The following FAM227B variants were observed in gnomAD, a reference collection of about 807,000 sequenced individuals.
The protein encoded by FAM227B is family with sequence similarity 227 member B.
FAM227B carries 88 observed loss-of-function variants against 73.8 expected under a neutral mutation model. The ratio of observed to expected loss-of-function variants is 1.19; its 90% CI spans 1.00 to 1.42. The LOEUF (loss-of-function observed/expected upper bound fraction) is 1.42, where lower values mean the gene tolerates loss of function less well. Among genes scored for constraint, FAM227B ranks in the 40% most tolerant of loss-of-function variants. The pLI is 0.00. For synonymous variants in FAM227B, 210 were observed against 190.5 expected (o/e 1.10, Z -0.84); for missense variants, 632 against 590.9 (o/e 1.07, Z -0.72).
At chr15:49,595,114 A>G (rs2076814768) in intron 3 of FAM227B, among the ~76,000 whole-genome samples, 1 of 152,030 alleles carries the variant, frequency 6.6e-6, no homozygotes, top group East Asian at 1.9e-4. Flanking sequence ...AGTGTTTTAT[A>G]GTTTATCTTG....
intron 13 of FAM227B, among the ~76,000 whole-genome samples, chr15:49,354,400 G>A (rs1049862537): frequency 1.4e-4 from 22 of 152,202 alleles, no homozygotes; most frequent in African/African-American, 5.3e-4. Context: ...CACCGTGCGT[G>A]AGCCGAAGCA....
At chr15:49,538,125 T>C (rs79556376) in intron 10 of FAM227B, among the ~76,000 whole-genome samples, 8,268 of 152,218 alleles carry the variant, frequency 0.054, 324 homozygotes, top group East Asian at 0.13. Context: ...TGGCTTTCAG[T>C]GGATTTTTCA....
At chr15:49,396,967 C>A (rs1413979416) in intron 11 of FAM227B, among the ~76,000 whole-genome samples, 1 of 152,160 alleles carries the variant, frequency 6.6e-6, no homozygotes, top group Non-Finnish European at 1.5e-5. Flanking sequence ...AACGCAGTTC[C>A]CCACCAGCAA....
At position 49,508,940 on chromosome 15, in the gene FAM227B, G is replaced by A. The variant is rs193053827; in HGVS notation, c.875-592C>T. 2.0e-3 allele frequency among the ~76,000 whole-genome samples: 300 copies of A among 152,300 alleles called. 1 individual carries two copies. The highest frequency in any genetic ancestry group is 6.9e-3 in the African/African-American group (287 of 41,572). On this transcript the variant is annotated intron_variant, in intron 10 of 15. Coordinates refer to ENST00000299338, the MANE Select transcript of FAM227B (RefSeq NM_152647.3). The stretch of plus-strand genomic sequence containing the variant: ...TATTACTCACAGTTCCCAAGAGTAG[G>A]GGGATGTCATGCCACAGGGGGCCAC...
intron 11 of FAM227B, among the ~76,000 whole-genome samples, chr15:49,452,371 G>A (rs1004103510): frequency 6.6e-6 from 1 of 151,986 alleles, no homozygotes; most frequent in Non-Finnish European, 1.5e-5. Context: ...AATTTTAAAT[G>A]CCAGTTACCT....
intron 11 of FAM227B, among the ~76,000 whole-genome samples, chr15:49,500,747 A>G (rs1002457989): frequency 7.2e-5 from 11 of 152,190 alleles, no homozygotes; most frequent in Non-Finnish European, 1.3e-4. Context: ...TTGAAATGTA[A>G]TCCCCAATGT....
chr15:49,361,583 G>A (rs2044245522), intron 13 of FAM227B, among the ~76,000 whole-genome samples: 1 of 152,074 alleles, frequency 6.6e-6, no homozygotes, highest in South Asian at 2.1e-4. Context: ...GATCTTGTTA[G>A]TTTTTATGGC....
intron 11 of FAM227B, among the ~76,000 whole-genome samples, chr15:49,433,704 C>A (rs1171609243): frequency 6.6e-6 from 1 of 151,606 alleles, no homozygotes; most frequent in Non-Finnish European, 1.5e-5. Context: ...ACAGTTACCA[C>A]TGGTGACACT....
In FAM227B at chr15:49,383,756, T is replaced by C. The variant is rs556417828; in HGVS notation, c.1013-12357A>G. ...AAAAAGGAATACGATTGGCAAATAA[T>C]TTTTTAATTTCACCAGAAACTAAAG... On this transcript the variant is annotated intron_variant, in intron 11 of 15. Coordinates refer to ENST00000299338, the MANE Select transcript of FAM227B (RefSeq NM_152647.3). Among the ~76,000 whole-genome samples, 139 of 152,222 alleles carry C rather than the reference T, an allele frequency of 9.1e-4. 5 individuals carry two copies. The South Asian group carries it at 0.028, about 30-fold the overall frequency.
chr15:49,481,050 TC>T (rs1240098916), intron 11 of FAM227B, among the ~76,000 whole-genome samples: 1 of 152,228 alleles, frequency 6.6e-6, no homozygotes, highest in Non-Finnish European at 1.5e-5. Context: ...ATCAGCATTC[TC>T]TTTTTATCTA....
intron 13 of FAM227B, among the ~76,000 whole-genome samples, chr15:49,346,494 TCTC>T (rs1301296931): frequency 3.3e-5 from 5 of 152,130 alleles, no homozygotes; most frequent in Non-Finnish European, 5.9e-5. Flanking sequence ...TGAGAGCTGT[TCTC>T]CTGCCTCCTT....
chr15:49,383,256 T>C (rs944044301), intron 11 of FAM227B, among the ~76,000 whole-genome samples: 1 of 152,184 alleles, frequency 6.6e-6, no homozygotes, highest in African/African-American at 2.4e-5. Context: ...CTGCACTTTA[T>C]TGTACTTCAC....
At position 49,356,918 on chromosome 15, in the gene FAM227B, G is replaced by A. The variant is rs1158847321; in HGVS notation, c.1271+10530C>T. 1.6e-4 allele frequency among the ~76,000 whole-genome samples: 23 copies of A among 145,300 alleles called. No individual in the cohort carries two copies. The East Asian group carries it at 4.5e-3, about 28-fold the overall frequency. ...CACAGTGCAATCAAACTAGAACTCA[G>A]GATTAAGAATCTCACTCAAAACCGC... On this transcript the variant is annotated intron_variant, in intron 13 of 15. Transcript: ENST00000299338.
intron 10 of FAM227B, among the ~76,000 whole-genome samples, chr15:49,527,148 A>G (rs923797274): frequency 2.6e-5 from 4 of 152,052 alleles, no homozygotes; most frequent in Admixed American, 1.3e-4. Context: ...AAAAACAACC[A>G]GCAAACTGAT....
intron 9 of FAM227B, among the ~76,000 whole-genome samples, chr15:49,556,215 T>C (rs181440885): frequency 1.3e-5 from 2 of 150,310 alleles, no homozygotes; most frequent in East Asian, 4.0e-4. Context: ...GTTTCTTCAA[T>C]CTTTAAAGTT....
At chr15:49,548,963 T>A (rs548859648) in intron 9 of FAM227B, among the ~76,000 whole-genome samples, 1 of 152,204 alleles carries the variant, frequency 6.6e-6, no homozygotes, top group South Asian at 2.1e-4. Context: ...ACTTGTTTTA[T>A]TAATCTTTCT....
chr15:49,380,075 A>T (rs1395384468), intron 11 of FAM227B, among the ~76,000 whole-genome samples: 1 of 152,174 alleles, frequency 6.6e-6, no homozygotes, highest in Non-Finnish European at 1.5e-5. Context: ...ATTCTATTGT[A>T]TTACAGCTGA....
At chr15:49,449,081 G>T (rs182888544) in intron 11 of FAM227B, among the ~76,000 whole-genome samples, 1 of 146,260 alleles carries the variant, frequency 6.8e-6, no homozygotes, top group East Asian at 2.2e-4. Flanking sequence ...TCAAATGCTG[G>T]TCTGGCTTAC....
At chr15:49,343,304 G>C (rs2041013092) in intron 13 of FAM227B, among the ~76,000 whole-genome samples, 1 of 151,664 alleles carries the variant, frequency 6.6e-6, no homozygotes, top group African/African-American at 2.4e-5. Flanking sequence ...TCTTCTGCTT[G>C]GAACAGTCTA....
Sources: gnomAD v4.1 joint callset for allele counts (sites outside exome capture counted in the v4.1 genomes callset) on GRCh38, gnomAD v4.1.1 for gene constraint, MANE v1.5 for transcripts, NCBI Gene and HGNC (gene_info 2026-07-23, HGNC 2026-07-21) for gene names.